The following GPC5 variants were observed in gnomAD, a reference collection of about 807,000 sequenced individuals.
GPC5 encodes the protein glypican-5.
Under a neutral mutation model 53.9 loss-of-function variants are expected in GPC5, and 47 were observed. The ratio of observed to expected loss-of-function variants is 0.87; its 90% CI spans 0.69 to 1.11. The LOEUF (loss-of-function observed/expected upper bound fraction) is 1.11. GPC5 is among the 50% of genes most tolerant of loss of function. The pLI is 0.00. For synonymous variants in GPC5, 286 were observed against 263.3 expected, an observed-to-expected ratio of 1.09 and a Z score of -0.84; for missense variants, 748 against 713.1, an observed-to-expected ratio of 1.05 and a Z score of -0.56.
chr13:91,430,580 G>A (rs1879374575), intron 1 of GPC5, among the ~76,000 whole-genome samples: 1 of 152,130 alleles, frequency 6.6e-6, no homozygotes. Context: ...TTTTGAGGGT[G>A]CTCACCATAA....
chr13:91,736,658 G>A (rs552964823), intron 4 of GPC5, among the ~76,000 whole-genome samples: 2 of 151,432 alleles, frequency 1.3e-5, no homozygotes, highest in African/African-American at 4.9e-5. Flanking sequence ...ACTGCTTTGT[G>A]TAATTCATAC....
At chr13:91,709,215 C>T (rs1030842648) in intron 3 of GPC5, among the ~76,000 whole-genome samples, 33 of 152,134 alleles carry the variant, frequency 2.2e-4, no homozygotes, top group African/African-American at 7.7e-4. Context: ...CTTTAACCTC[C>T]CTAGTCTACT....
intron 7 of GPC5, among the ~76,000 whole-genome samples, chr13:92,618,909 G>T (rs567385273): frequency 6.6e-6 from 1 of 151,776 alleles, no homozygotes; most frequent in African/African-American, 2.4e-5. Flanking sequence ...AACAATTGAA[G>T]AATTTATTAA....
At chr13:92,091,285 C>G (rs1264624495) in intron 6 of GPC5, among the ~76,000 whole-genome samples, 7 of 152,048 alleles carry the variant, frequency 4.6e-5, no homozygotes, top group Admixed American at 3.9e-4. Flanking sequence ...TCATTAGATA[C>G]AGAATCAGTT....
At chr13:92,396,089 T>C (rs1044724838) in intron 7 of GPC5, among the ~76,000 whole-genome samples, 2 of 152,118 alleles carry the variant, frequency 1.3e-5, no homozygotes, top group African/African-American at 4.8e-5. Flanking sequence ...GAATTATACA[T>C]GTTATACTAT....
At chr13:92,724,251 C>T in intron 7 of GPC5, among the ~76,000 whole-genome samples, 1 of 151,278 alleles carries the variant, frequency 6.6e-6, no homozygotes, top group East Asian at 1.9e-4. Context: ...TTTAAGCAAG[C>T]TATAAGAGAA....
At chr13:92,835,790 C>T (rs1371614221) in intron 7 of GPC5, among the ~76,000 whole-genome samples, 1 of 151,920 alleles carries the variant, frequency 6.6e-6, no homozygotes, top group Non-Finnish European at 1.5e-5. Flanking sequence ...AGCTCAAATG[C>T]TCAACATCTT....
At chr13:92,116,665 A>C (rs1187631223) in intron 6 of GPC5, among the ~76,000 whole-genome samples, 1 of 152,206 alleles carries the variant, frequency 6.6e-6, no homozygotes, top group Non-Finnish European at 1.5e-5. Flanking sequence ...GTGACTTGGC[A>C]TCATTCCCAC....
At chr13:92,155,134 C>T (rs2041934405) in intron 7 of GPC5, among the ~76,000 whole-genome samples, 1 of 152,054 alleles carries the variant, frequency 6.6e-6, no homozygotes, top group African/African-American at 2.4e-5. Flanking sequence ...TTATAAAGGA[C>T]TCATGGGGAC....
At chr13:91,605,093 C>CTTG (rs2033317884) in intron 2 of GPC5, among the ~76,000 whole-genome samples, 1 of 65,236 alleles carries the variant, frequency 1.5e-5, no homozygotes. Context: ...TTAGGTCTAA[C>CTTG]GTTTAAGTCT....
At chr13:92,621,692 C>T (rs185801878) in intron 7 of GPC5, among the ~76,000 whole-genome samples, 8 of 151,950 alleles carry the variant, frequency 5.3e-5, no homozygotes, top group African/African-American at 7.2e-5. Flanking sequence ...TGGTGGCGGG[C>T]GCTTGTAATC....
intron 2 of GPC5, among the ~76,000 whole-genome samples, chr13:91,477,078 G>C (rs1882973804): frequency 6.6e-6 from 1 of 152,020 alleles, no homozygotes; most frequent in South Asian, 2.1e-4. Context: ...TATGTGAAAG[G>C]ATATATATTC....
chr13:92,586,855 G>T (rs1033274235), intron 7 of GPC5, among the ~76,000 whole-genome samples: 1 of 152,042 alleles, frequency 6.6e-6, no homozygotes, highest in East Asian at 1.9e-4. Context: ...CCAACTCCTG[G>T]GGCTTACAGA....
intron 7 of GPC5, among the ~76,000 whole-genome samples, chr13:92,407,701 A>G (rs143693705): frequency 9.2e-5 from 14 of 152,284 alleles, no homozygotes; most frequent in African/African-American, 3.1e-4. Context: ...GGAAAATGCA[A>G]ATTACTCTCA....
chr13:92,385,361 T>C (rs1331484682), intron 7 of GPC5, among the ~76,000 whole-genome samples: 1 of 80,958 alleles, frequency 1.2e-5, no homozygotes, highest in Non-Finnish European at 2.5e-5. Flanking sequence ...TATACATATA[T>C]ACATATATAT....
intron 7 of GPC5, among the ~76,000 whole-genome samples, chr13:92,270,538 G>A (rs972194295): frequency 6.6e-6 from 1 of 152,154 alleles, no homozygotes; most frequent in Non-Finnish European, 1.5e-5. Flanking sequence ...GTGGAACCGT[G>A]AGCCAGTTAA....
chr13:91,929,198 A>G (rs2039797833), intron 6 of GPC5, among the ~76,000 whole-genome samples: 2 of 152,128 alleles, frequency 1.3e-5, no homozygotes, highest in South Asian at 4.1e-4. Flanking sequence ...CATTTACTGT[A>G]CATATTTCTA....
At chr13:92,570,345 A>G (rs1882987349) in intron 7 of GPC5, among the ~76,000 whole-genome samples, 1 of 152,136 alleles carries the variant, frequency 6.6e-6, no homozygotes, top group Admixed American at 6.6e-5. Context: ...AACATTTTAA[A>G]TAATTTAGAT....
chr13:92,761,052 G>T (rs528401042), intron 7 of GPC5, among the ~76,000 whole-genome samples: 4 of 152,172 alleles, frequency 2.6e-5, no homozygotes, highest in South Asian at 2.1e-4. Flanking sequence ...TTATATAAGG[G>T]TTGTTTTGCG....
Sources: allele counts gnomAD v4.1 joint callset (sites outside exome capture counted in the v4.1 genomes callset), GRCh38; gene constraint gnomAD v4.1.1; transcripts MANE v1.5; gene names NCBI Gene and HGNC (gene_info 2026-07-23, HGNC 2026-07-21).